Variants in OOEP observed in about 807,000 individuals in gnomAD.
OOEP encodes the protein oocyte-expressed protein homolog.
In OOEP, 16 loss-of-function variants were observed where a neutral mutation model predicts 13.7. The observed-to-expected ratio is 1.16, with a 90% CI of 0.79 to 1.77. OOEP has a LOEUF of 1.77. OOEP is among the 40% of genes most tolerant of loss of function. The pLI is 0.00. For synonymous variants in OOEP, 89 were observed against 77.1 expected (o/e 1.15, Z -0.81); for missense variants, 195 against 193.1 (o/e 1.01, Z -0.06).
rs79506875 is a variant in OOEP at position 73,388,692 on chromosome 6, G to A, written c.25+5654C>T. 9.6e-3 allele frequency among the ~76,000 whole-genome samples: 1,458 copies of A among 152,300 alleles called. 24 individuals are homozygous for A. Among genetic ancestry groups the A allele is most frequent in the African/African-American group, 0.033 (1,387 of 41,564 alleles). On this transcript the variant is annotated intron_variant, in intron 2 of 3. Coordinates refer to the OOEP transcript ENST00000370363. Reference sequence around the variant, plus strand: ...CTCCTCTGACTTCGGTTTCTTCATCGTGAAATGGGGATACCCACATCCATC... The same window carrying A: ...CTCCTCTGACTTCGGTTTCTTCATCATGAAATGGGGATACCCACATCCATC...
chr6:73,383,098 G>A (rs539800936), intron 2 of OOEP, among the ~76,000 whole-genome samples: 28 of 152,072 alleles, frequency 1.8e-4, no homozygotes, highest in African/African-American at 6.7e-4. Flanking sequence ...TGGGCCTCCC[G>A]AAGTGCTGGG....
chr6:73,388,839 AGCGCCTGCTGCTCC>A, intron 2 of OOEP, among the ~76,000 whole-genome samples: 1 of 152,230 alleles, frequency 6.6e-6, no homozygotes, highest in Non-Finnish European at 1.5e-5. Flanking sequence ...TTCCAAAATC[AGCGCCTGCTGCTCC>A]GAGAGCCAAG....
At chr6:73,369,131 G>T in intron 2 of OOEP, 75 bp downstream of exon 2, 1 of 1,447,444 alleles carries the variant, frequency 6.9e-7, no homozygotes, top group Non-Finnish European at 9.4e-7. Context: ...GTTAAGGGAG[G>T]ATGGAAGGAA....
upstream of OOEP, among the ~76,000 whole-genome samples, chr6:73,371,915 G>A (rs540117098): frequency 1.3e-4 from 20 of 152,156 alleles, no homozygotes; most frequent in South Asian, 3.3e-3. Flanking sequence ...GCTACAGAGT[G>A]AGACTCCATC....
intron 2 of OOEP, among the ~76,000 whole-genome samples, chr6:73,379,732 T>G (rs1253428863): frequency 6.6e-6 from 1 of 151,658 alleles, no homozygotes; most frequent in Admixed American, 6.6e-5. Context: ...GTTTCTCATA[T>G]CTTTTTTTGT....
exon 1 of OOEP, chr6:73,394,987 G>A: frequency 1.2e-6 from 2 of 1,614,278 alleles, no homozygotes; most frequent in Non-Finnish European, 1.7e-6. Flanking sequence ...CCGAGCGCCA[G>A]AGAGGAGGCC....
chr6:73,385,810 ACTACTGACCTGGTGAT>A (rs1338061719), intron 2 of OOEP, among the ~76,000 whole-genome samples: 6 of 152,038 alleles, frequency 3.9e-5, no homozygotes, highest in Non-Finnish European at 8.8e-5. Context: ...CTGGTCTTGA[ACTACTGACCTGGTGAT>A]CTACCCACCT....
chr6:73,386,025 C>A (rs1005160441), intron 2 of OOEP, among the ~76,000 whole-genome samples: 5 of 151,972 alleles, frequency 3.3e-5, no homozygotes, highest in African/African-American at 7.3e-5. Flanking sequence ...ACTGGAGGTT[C>A]TAGCCAGTGC....
At chr6:73,368,951 A>C (rs1768999325) in intron 2 of OOEP, 88 bp from the exon 3 acceptor site, 2 of 1,066,970 alleles carry the variant, frequency 1.9e-6, no homozygotes. Context: ...TGGGGAGGAG[A>C]GAAAGATCTG....
At chr6:73,387,467 T>G (rs1459997974) in intron 2 of OOEP, among the ~76,000 whole-genome samples, 1 of 152,030 alleles carries the variant, frequency 6.6e-6, no homozygotes, top group Non-Finnish European at 1.5e-5. Context: ...TGAGCCGAGA[T>G]AGCACCACTG....
chr6:73,379,617 C>T (rs1431917903), intron 2 of OOEP, among the ~76,000 whole-genome samples: 10 of 111,720 alleles, frequency 9.0e-5, no homozygotes, highest in African/African-American at 3.5e-4. Context: ...CCACTCTGGG[C>T]AACAGAGTGA....
chr6:73,380,148 T>TA (rs1342658720), intron 2 of OOEP, among the ~76,000 whole-genome samples: 2 of 151,422 alleles, frequency 1.3e-5, no homozygotes, highest in African/African-American at 2.4e-5. Context: ...TACAGTATAA[T>TA]AAAAAATCAC....
At chr6:73,370,694 C>A (rs1024104621), upstream of OOEP, among the ~76,000 whole-genome samples, 1 of 152,320 alleles carries the variant, frequency 6.6e-6, no homozygotes, top group South Asian at 2.1e-4. Context: ...ACATTTTCTA[C>A]TATATTTGTA....
At chr6:73,387,595 A>T (rs1188875674) in intron 2 of OOEP, 1 of 140,570 alleles carries the variant, frequency 7.1e-6, no homozygotes, top group Admixed American at 7.1e-5. Context: ...TATTTATTCT[A>T]TTGATTGATT....
intron 2 of OOEP, among the ~76,000 whole-genome samples, chr6:73,380,012 G>A (rs1329977455): frequency 6.6e-6 from 1 of 152,158 alleles, no homozygotes; most frequent in Non-Finnish European, 1.5e-5. Flanking sequence ...CTCAGCAAAC[G>A]GTAGCTTCTT....
At chr6:73,374,101 T>C (rs1345139275), upstream of OOEP, among the ~76,000 whole-genome samples, 1 of 151,950 alleles carries the variant, frequency 6.6e-6, no homozygotes, top group Non-Finnish European at 1.5e-5. Flanking sequence ...TGAGGAAGGA[T>C]AGCCTGAGTG....
At chr6:73,394,574 G>A in intron 1 of OOEP, 1 of 448,930 alleles carries the variant, frequency 2.2e-6, no homozygotes, top group Non-Finnish European at 4.0e-6. Flanking sequence ...GGAGCAAATT[G>A]GGCGTTTGGA....
chr6:73,369,565 G>C (rs1582622915), intron 1 of OOEP, 38 bp downstream of exon 1: 1 of 1,595,918 alleles, frequency 6.3e-7, no homozygotes, highest in South Asian at 1.1e-5. Flanking sequence ...TCTCAGACTG[G>C]AGGTGGACAG....
At chr6:73,394,555 G>A (rs1025731990) in intron 1 of OOEP, 1 of 556,528 alleles carries the variant, frequency 1.8e-6, no homozygotes, top group Non-Finnish European at 3.2e-6. Context: ...TGTGTGTCCA[G>A]TAGGGGAGGG....
Sources: allele counts gnomAD v4.1 joint callset (sites outside exome capture counted in the v4.1 genomes callset), GRCh38; gene constraint gnomAD v4.1.1; transcripts MANE v1.5; gene names NCBI Gene and HGNC (gene_info 2026-07-23, HGNC 2026-07-21).